ABCA10: variants seen among roughly 807,000 people sequenced by gnomAD.
ABCA10 encodes the protein ATP binding cassette subfamily A member 10.
Under a neutral mutation model 187.5 loss-of-function variants are expected in ABCA10, and 169 were observed. That is an observed-to-expected ratio of 0.90 (90% CI 0.80 to 1.02). The LOEUF (loss-of-function observed/expected upper bound fraction) is 1.02, where lower values mean the gene tolerates loss of function less well. Ranked by LOEUF, ABCA10 falls within the 50% of genes least tolerant of loss-of-function variation. The pLI, the probability that ABCA10 is intolerant of heterozygous loss-of-function variation, is 0.00. For synonymous variants in ABCA10, 574 were observed against 601.8 expected, an observed-to-expected ratio of 0.95 and a Z score of 0.68; for missense variants, 1,727 against 1,812.4, an observed-to-expected ratio of 0.95 and a Z score of 0.86.
chr17:69,211,324 T>G (rs373242137), intron 9 of ABCA10, among the ~76,000 whole-genome samples: 1 of 12,170 alleles, frequency 8.2e-5, no homozygotes, highest in African/African-American at 4.2e-4. Context: ...GATATATATA[T>G]ATATATATAT....
Position 69,174,761 on chromosome 17 carries a change from T to G in ABCA10, c.2894A>C (p.Gln965Pro), listed in dbSNP as rs778649223. ...ISDYKKNVQSQLWISGLWPSA... is the reference protein window; with the variant it reads ...ISDYKKNVQSPLWISGLWPSA... ...AGGCCAGAGGCCTGAAATCCATAAC[T>G]GGGATTGAACATTTTTCTGACAAAG... Residue 965 changes from glutamine to proline, a missense_variant, in exon 24 of 39, where the codon CAG becomes CCG. Transcript: ENST00000690296. 2.1e-5 allele frequency: 33 copies of G among 1,585,172 alleles called. No individual in the cohort carries two copies. In the Middle Eastern group the frequency reaches 5.0e-4, roughly 24 times the overall value.
At chr17:69,214,405 C>T (rs549140864) in intron 9 of ABCA10, among the ~76,000 whole-genome samples, 6 of 150,622 alleles carry the variant, frequency 4.0e-5, no homozygotes, top group Admixed American at 3.9e-4. Flanking sequence ...GTCCCAGCTA[C>T]TTGGGAGGCT....
At chr17:69,197,006 C>CAGAGGGAGGGGGAGGGGG in intron 11 of ABCA10, 58 bp downstream of exon 11, 1 of 500,110 alleles carries the variant, frequency 2.0e-6, no homozygotes, top group African/African-American at 2.1e-5. Flanking sequence ...AGACCGTGGA[C>CAGAGGGAGGGGGAGGGGG]AGAGGGAGGG....
intron 8 of ABCA10, chr17:69,215,589 G>T (rs1179672460): frequency 7.7e-6 from 3 of 390,838 alleles, no homozygotes; most frequent in African/African-American, 6.3e-5. Flanking sequence ...TCAGATAATG[G>T]GCAATTATTT....
intron 22 of ABCA10, among the ~76,000 whole-genome samples, chr17:69,178,582 A>G (rs763211467): frequency 1.3e-5 from 2 of 152,198 alleles, no homozygotes; most frequent in African/African-American, 2.4e-5. Context: ...GCTGGCATAT[A>G]AATCAGCCCC....
intron 1 of ABCA10, among the ~76,000 whole-genome samples, chr17:69,235,614 C>A (rs1163906580): frequency 6.6e-6 from 1 of 151,972 alleles, no homozygotes; most frequent in African/African-American, 2.4e-5. Flanking sequence ...TTTCTGGGAC[C>A]AGAAAGGTAT....
intron 9 of ABCA10, among the ~76,000 whole-genome samples, chr17:69,207,731 T>A (rs2074602251): frequency 6.6e-6 from 1 of 152,074 alleles, no homozygotes; most frequent in African/African-American, 2.4e-5. Context: ...AAGAATAGAA[T>A]CTTGGCTACC....
intron 25 of ABCA10, 105 bp from the exon 26 acceptor site, chr17:69,165,188 C>G: frequency 1.1e-6 from 1 of 944,400 alleles, no homozygotes; most frequent in Non-Finnish European, 1.6e-6. Context: ...CCATTTTCAA[C>G]TTTTACCTCA....
chr17:69,164,776 G>C (rs889674938), intron 26 of ABCA10, among the ~76,000 whole-genome samples, 188 bp downstream of exon 26: 4 of 152,124 alleles, frequency 2.6e-5, no homozygotes, highest in Non-Finnish European at 5.9e-5. Context: ...CTTCCTGCTA[G>C]TATGAATAGT....
intron 9 of ABCA10, among the ~76,000 whole-genome samples, chr17:69,206,304 A>G (rs1445494100): frequency 6.6e-6 from 1 of 152,194 alleles, no homozygotes; most frequent in Non-Finnish European, 1.5e-5. Flanking sequence ...TTAAAGGAAA[A>G]AAATGAAGTT....
At chr17:69,221,134 A>T (rs2074744434) in intron 5 of ABCA10, among the ~76,000 whole-genome samples, 2 of 152,202 alleles carry the variant, frequency 1.3e-5, no homozygotes, top group African/African-American at 4.8e-5. Context: ...AGTTGGCAAG[A>T]AGACTGAGAG....
At chr17:69,233,722 C>T (rs944715238), upstream of ABCA10, 1 of 152,256 alleles carries the variant, frequency 6.6e-6, no homozygotes, top group African/African-American at 2.4e-5. Flanking sequence ...AGATCTTCCA[C>T]AGACTCTAAG....
Position 69,153,975 on chromosome 17 carries a change from T to C in ABCA10, c.3821A>G (p.Gln1274Arg). 1 of 1,614,008 alleles carries C rather than the reference T, an allele frequency of 6.2e-7. No individual in the cohort carries two copies. Among genetic ancestry groups the C allele is most frequent in the Non-Finnish European group, 8.5e-7 (1 of 1,179,942 alleles). ...GAACTTGAGGCTGTTGTCATGCTGT[T>C]GCCTTACTGATGCTCTGCTGCCTTG... is the stretch of plus-strand genomic sequence containing the variant. ...VLQGSRASVR[Q>R]QHDNSLKFLG... The change falls in exon 32 of 39, where the codon CAA becomes CGA. Residue 1274 changes from glutamine (Q) to arginine (R), a missense_variant. Physicochemically the swap from Gln to Arg is conservative, Grantham distance 43. Transcript: ENST00000690296.
intron 9 of ABCA10, among the ~76,000 whole-genome samples, chr17:69,210,352 G>T (rs2074632384): frequency 6.7e-6 from 1 of 149,268 alleles, no homozygotes; most frequent in African/African-American, 2.5e-5. Flanking sequence ...ACCGCGCCCG[G>T]CTAATTTTTT....
chr17:69,236,669 C>T (rs1315334750), intron 1 of ABCA10, among the ~76,000 whole-genome samples: 1 of 152,180 alleles, frequency 6.6e-6, no homozygotes, highest in Non-Finnish European at 1.5e-5. Context: ...AATCAATTTT[C>T]AACCCAAATC....
intron 35 of ABCA10, 84 bp downstream of exon 35, chr17:69,152,278 T>C: frequency 6.3e-7 from 1 of 1,576,170 alleles, no homozygotes; most frequent in South Asian, 1.2e-5. Flanking sequence ...GTTAGGGAGC[T>C]GTAGAGCATC....
chr17:69,241,837 A>G (rs2074904891), intron 1 of ABCA10, among the ~76,000 whole-genome samples: 1 of 152,226 alleles, frequency 6.6e-6, no homozygotes, highest in Admixed American at 6.5e-5. Context: ...AGTGCTTAGA[A>G]AAGTGCTTGA....
intron 25 of ABCA10, among the ~76,000 whole-genome samples, chr17:69,167,237 C>T (rs1047284129): frequency 1.3e-5 from 2 of 152,184 alleles, no homozygotes; most frequent in Non-Finnish European, 2.9e-5. Context: ...CCAAACACAT[C>T]TCTAATCCAA....
At chr17:69,172,557 T>G (rs1214455963) in intron 25 of ABCA10, among the ~76,000 whole-genome samples, 1 of 152,048 alleles carries the variant, frequency 6.6e-6, no homozygotes, top group African/African-American at 2.4e-5. Flanking sequence ...TGTGAGAAAA[T>G]AATTCTGTTC....
Sources: gnomAD v4.1 joint callset for allele counts (sites outside exome capture counted in the v4.1 genomes callset) on GRCh38, gnomAD v4.1.1 for gene constraint, MANE v1.5 for transcripts, NCBI Gene and HGNC (gene_info 2026-07-23, HGNC 2026-07-21) for gene names.